CHSY3: variants seen among roughly 807,000 people sequenced by gnomAD.
CHSY3 encodes the protein chondroitin sulfate synthase 3.
CHSY3 carries 35 observed loss-of-function variants against 67.2 expected under a neutral mutation model. The observed-to-expected ratio is 0.52, with a 90% CI of 0.40 to 0.69. CHSY3 has a LOEUF of 0.69. CHSY3 is among the 30% of genes least tolerant of loss of function. The pLI, the probability that CHSY3 is intolerant of heterozygous loss-of-function variation, is 0.00. For synonymous variants in CHSY3, 474 were observed against 434.7 expected, an observed-to-expected ratio of 1.09 and a Z score of -1.12; for missense variants, 1,069 against 1,138.5, an observed-to-expected ratio of 0.94 and a Z score of 0.88.
At chr5:130,045,159 T>G (rs1765109146) in intron 2 of CHSY3, among the ~76,000 whole-genome samples, 1 of 152,038 alleles carries the variant, frequency 6.6e-6, no homozygotes, top group African/African-American at 2.4e-5. Context: ...CCTGTCAGTT[T>G]GGGTTTTTAA....
intron 2 of CHSY3, among the ~76,000 whole-genome samples, chr5:130,027,902 T>G (rs1038630462): frequency 2.0e-5 from 3 of 152,194 alleles, no homozygotes; most frequent in Non-Finnish European, 4.4e-5. Context: ...TCCAAGTCTT[T>G]GCTATTGTGA....
intron 2 of CHSY3, among the ~76,000 whole-genome samples, chr5:130,039,946 G>A (rs780611913): frequency 3.9e-5 from 6 of 152,042 alleles, no homozygotes; most frequent in Admixed American, 3.3e-4. Flanking sequence ...GATTCTGGAC[G>A]TGTGTCTAAG....
intron 2 of CHSY3, among the ~76,000 whole-genome samples, chr5:130,013,175 A>C (rs1764117467): frequency 6.6e-6 from 1 of 151,946 alleles, no homozygotes; most frequent in Non-Finnish European, 1.5e-5. Flanking sequence ...GGTCTTGGAG[A>C]CCTCCACCTT....
intron 2 of CHSY3, among the ~76,000 whole-genome samples, chr5:130,148,321 C>T (rs971406151): frequency 6.6e-6 from 1 of 152,132 alleles, no homozygotes; most frequent in Non-Finnish European, 1.5e-5. Flanking sequence ...AGGATTGATT[C>T]CATGTCTTTA....
chr5:130,012,024 C>G (rs1236266709), intron 2 of CHSY3, among the ~76,000 whole-genome samples: 2 of 152,186 alleles, frequency 1.3e-5, no homozygotes, highest in Non-Finnish European at 2.9e-5. Flanking sequence ...GGCCGTACTC[C>G]ACACAGCAAT....
intron 2 of CHSY3, 39 bp downstream of exon 2, chr5:129,908,399 A>C (rs747400165): frequency 6.3e-7 from 1 of 1,597,558 alleles, no homozygotes; most frequent in South Asian, 1.1e-5. Context: ...CACATAGTAC[A>C]TATACATGCC....
chr5:129,921,644 A>G (rs775983337), intron 2 of CHSY3, among the ~76,000 whole-genome samples: 3 of 152,198 alleles, frequency 2.0e-5, no homozygotes, highest in Non-Finnish European at 4.4e-5. Context: ...ACGTTCTCCA[A>G]TTCCATCCAT....
chr5:130,037,783 C>T (rs1045177343), intron 2 of CHSY3, among the ~76,000 whole-genome samples: 3 of 152,056 alleles, frequency 2.0e-5, no homozygotes, highest in Non-Finnish European at 4.4e-5. Flanking sequence ...CAGCTAATAT[C>T]CTAGAGCTCA....
intron 2 of CHSY3, among the ~76,000 whole-genome samples, chr5:130,013,872 G>T (rs981735645): frequency 1.3e-5 from 2 of 152,204 alleles, no homozygotes; most frequent in Non-Finnish European, 2.9e-5. Context: ...AGAAAATGGG[G>T]TTTTCTTTTT....
At chr5:129,969,394 A>G (rs1762569481) in intron 2 of CHSY3, among the ~76,000 whole-genome samples, 1 of 151,906 alleles carries the variant, frequency 6.6e-6, no homozygotes, top group Non-Finnish European at 1.5e-5. Flanking sequence ...ATGTAATTAA[A>G]TAGATCATGT....
rs1768970091 is a variant in CHSY3, at chr5:130,143,786, ATATAT to A, written c.1087-40442_1087-40438del. On this transcript the variant is annotated intron_variant, in intron 2 of 2. Coordinates refer to ENST00000305031, the MANE Select transcript of CHSY3 (RefSeq NM_175856.5). ...TGTGTGTGTATATATATATATGTGT[ATATAT>A]ATATATATATATATGTGTGTATATA... is the stretch of plus-strand genomic sequence containing the variant. Among the ~76,000 whole-genome samples the A allele has an allele frequency of 1.1e-4, 3 of 28,142 alleles. No homozygotes were observed. The South Asian group carries it at 3.7e-3, about 34-fold the overall frequency. The allele number at this position is 28,142 out of a possible 152,430, so 18.5% of individuals were successfully genotyped here. A position where few individuals can be genotyped will look rare whatever the true frequency, so the allele number is the denominator to read the frequency against.
At chr5:130,050,986 A>G (rs1413684929) in intron 2 of CHSY3, among the ~76,000 whole-genome samples, 2 of 152,222 alleles carry the variant, frequency 1.3e-5, no homozygotes, top group Non-Finnish European at 2.9e-5. Context: ...ATTTAAATGT[A>G]CTATCATAAA....
At chr5:130,026,118 A>G (rs1343029585) in intron 2 of CHSY3, among the ~76,000 whole-genome samples, 2 of 151,978 alleles carry the variant, frequency 1.3e-5, no homozygotes, top group Non-Finnish European at 2.9e-5. Context: ...TACCAAGGAG[A>G]GTTACTTGTT....
upstream of CHSY3, among the ~76,000 whole-genome samples, chr5:129,904,249 C>T (rs1581346473): frequency 7.3e-6 from 1 of 136,614 alleles, no homozygotes. Context: ...CGTTTCCTTC[C>T]GGAGAGGAGG....
intron 2 of CHSY3, among the ~76,000 whole-genome samples, chr5:130,108,360 G>T (rs184391138): frequency 6.6e-6 from 1 of 151,452 alleles, no homozygotes; most frequent in Admixed American, 6.6e-5. Context: ...TTATATTATT[G>T]TATATATCAC....
At chr5:130,112,714 T>C (rs982510617) in intron 2 of CHSY3, among the ~76,000 whole-genome samples, 3 of 152,128 alleles carry the variant, frequency 2.0e-5, no homozygotes, top group Middle Eastern at 3.2e-3. Context: ...AGTTGATGAA[T>C]CTGTGTGTAA....
intron 2 of CHSY3, among the ~76,000 whole-genome samples, chr5:129,928,726 G>C (rs912615508): frequency 2.6e-5 from 4 of 152,054 alleles, no homozygotes; most frequent in African/African-American, 9.7e-5. Context: ...ACATTTCTGA[G>C]TGTATAAAAT....
chr5:129,988,112 AT>A (rs1239052455), intron 2 of CHSY3, among the ~76,000 whole-genome samples: 4 of 152,222 alleles, frequency 2.6e-5, no homozygotes. Flanking sequence ...TCAAAATGGC[AT>A]TTGTACTCAG....
intron 2 of CHSY3, among the ~76,000 whole-genome samples, chr5:130,120,263 T>C (rs1408424246): frequency 2.0e-5 from 3 of 152,114 alleles, no homozygotes; most frequent in Non-Finnish European, 4.4e-5. Context: ...TTTTAGGGAC[T>C]TCCTTCAAAC....
Sources: allele counts gnomAD v4.1 joint callset (sites outside exome capture counted in the v4.1 genomes callset), GRCh38; gene constraint gnomAD v4.1.1; transcripts MANE v1.5; gene names NCBI Gene and HGNC (gene_info 2026-07-23, HGNC 2026-07-21).